The following SPATA31H1 variants were observed in gnomAD, a reference collection of about 807,000 sequenced individuals.
SPATA31H1 encodes the protein spermatogenesis-associated protein 31H1.
the SPATA31H1 span, chr2:27,577,041 G>A: frequency 2.2e-5 from 36 of 1,613,884 alleles, no homozygotes; most frequent in Middle Eastern, 1.6e-4. The surrounding 1 kb of genome is among the most constrained non-coding windows in gnomAD (Gnocchi z 4.5). Flanking sequence ...AATTTATCAC[G>A]CCACAGAATC....
At chr2:27,544,327 C>G in the SPATA31H1 span, among the ~76,000 whole-genome samples, 2 of 151,740 alleles carry the variant, frequency 1.3e-5, no homozygotes, top group Admixed American at 1.3e-4. Context: ...TAGCCATAAC[C>G]CTGAATAGTT....
chr2:27,567,011 A>G, the SPATA31H1 span: 1 of 717,528 alleles, frequency 1.4e-6, no homozygotes. Context: ...ACCAAGGCAG[A>G]ACCCTGCCTC....
At chr2:27,541,993 A>C in the SPATA31H1 span, among the ~76,000 whole-genome samples, 1 of 151,926 alleles carries the variant, frequency 6.6e-6, no homozygotes, top group African/African-American at 2.4e-5. Context: ...AGCTGGTCTC[A>C]AACTCCTGGG....
the SPATA31H1 span, among the ~76,000 whole-genome samples, chr2:27,545,025 A>AATTTTT: frequency 6.8e-6 from 1 of 146,756 alleles, no homozygotes; most frequent in African/African-American, 2.5e-5. Context: ...AAAAAGTCAA[A>AATTTTT]TTTTTTTTTT....
At chr2:27,547,979 CTTTTTTTTT>C in the SPATA31H1 span, among the ~76,000 whole-genome samples, 5 of 113,264 alleles carry the variant, frequency 4.4e-5, no homozygotes, top group Non-Finnish European at 6.9e-5. Flanking sequence ...ATAGTAATTT[CTTTTTTTTT>C]TTTTTTTTTT....
At chr2:27,578,676 G>T in the SPATA31H1 span, 5 of 1,614,130 alleles carry the variant, frequency 3.1e-6, no homozygotes, top group East Asian at 6.7e-5. Context: ...GGAAACTGAG[G>T]ATTTGAATCT....
At chr2:27,578,615 G>A in the SPATA31H1 span, 5 of 1,614,054 alleles carry the variant, frequency 3.1e-6, no homozygotes, top group South Asian at 5.5e-5. Flanking sequence ...ATAAACAAGG[G>A]CTTCAGGCTG....
chr2:27,567,309 G>A, the SPATA31H1 span: 2 of 556,840 alleles, frequency 3.6e-6, no homozygotes, highest in Non-Finnish European at 6.4e-6. Flanking sequence ...GAAGGTTTTT[G>A]CTTTGCGGCA....
chr2:27,570,852 A>G, the SPATA31H1 span: 63 of 398,814 alleles, frequency 1.6e-4, no homozygotes, highest in Non-Finnish European at 2.4e-4. Flanking sequence ...AGTTTCCTAT[A>G]AATTAGTCTC....
the SPATA31H1 span, chr2:27,579,879 C>A: frequency 5.6e-6 from 9 of 1,613,988 alleles, no homozygotes; most frequent in Middle Eastern, 1.6e-4. Context: ...GAGTCAAATA[C>A]CCCCCGATGT....
At chr2:27,567,798 A>T in the SPATA31H1 span, 1 of 399,044 alleles carries the variant, frequency 2.5e-6, no homozygotes, top group Non-Finnish European at 4.4e-6. Context: ...TGTGGAGTTG[A>T]CCCCAAGGCT....
the SPATA31H1 span, among the ~76,000 whole-genome samples, chr2:27,539,043 G>C: frequency 6.6e-6 from 1 of 151,462 alleles, no homozygotes; most frequent in Admixed American, 6.6e-5. Flanking sequence ...GGAGGGAGAA[G>C]GGACTGAGTC....
chr2:27,579,838 T>C, the SPATA31H1 span: 3 of 1,614,224 alleles, frequency 1.9e-6, no homozygotes, highest in Non-Finnish European at 2.5e-6. Context: ...CTAGAAGATC[T>C]GCAGCTAAAA....
chr2:27,542,734 C>T, the SPATA31H1 span, among the ~76,000 whole-genome samples: 1 of 151,900 alleles, frequency 6.6e-6, no homozygotes, highest in African/African-American at 2.4e-5. Context: ...GAACTATTTA[C>T]AGTCTTATAT....
chr2:27,575,442 C>T, the SPATA31H1 span: 1 of 398,528 alleles, frequency 2.5e-6, no homozygotes, highest in East Asian at 3.6e-5. This position sits in a 1 kb window ranked among gnomAD's most constrained non-coding sequence, Gnocchi z 4.1. Context: ...CAATCTTCAG[C>T]AACAGTTGCA....
At chr2:27,582,168 G>A in the SPATA31H1 span, 1 of 1,613,940 alleles carries the variant, frequency 6.2e-7, no homozygotes, top group Non-Finnish European at 8.5e-7. Flanking sequence ...CAGTCCCTCT[G>A]AGAGGAGAGG....
the SPATA31H1 span, among the ~76,000 whole-genome samples, chr2:27,558,945 G>A: frequency 8.1e-5 from 12 of 147,352 alleles, no homozygotes; most frequent in East Asian, 2.1e-4. Context: ...GAGAGGGAGA[G>A]GGAGAGGGAG....
chr2:27,538,321 G>A, the SPATA31H1 span, among the ~76,000 whole-genome samples: 1 of 152,116 alleles, frequency 6.6e-6, no homozygotes, highest in Non-Finnish European at 1.5e-5. Flanking sequence ...TTAAAAAGCA[G>A]ATTCTGATGT....
chr2:27,541,256 G>T, the SPATA31H1 span, among the ~76,000 whole-genome samples: 2 of 152,072 alleles, frequency 1.3e-5, no homozygotes, highest in African/African-American at 4.8e-5. Context: ...CAGGCGTGGC[G>T]TGGCGGCGAG....
Sources: gnomAD v4.1 joint callset for allele counts (sites outside exome capture counted in the v4.1 genomes callset) on GRCh38, gnomAD v4.1.1 for gene constraint, Gnocchi (gnomAD v3.1) non-coding constraint, MANE v1.5 for transcripts, NCBI Gene and HGNC (gene_info 2026-07-23, HGNC 2026-07-21) for gene names.